The following SLC19A1 variants were observed in gnomAD, a reference collection of about 807,000 sequenced individuals.
SLC19A1 encodes solute carrier family 19 member 1, also known as reduced folate transporter.
SLC19A1 carries 37 observed loss-of-function variants against 35.3 expected under a neutral mutation model. The observed-to-expected ratio is 1.05, with a 90% CI of 0.81 to 1.38. SLC19A1 has a LOEUF of 1.38. SLC19A1 is among the 40% of genes most tolerant of loss of function. The pLI is 0.00. For synonymous variants in SLC19A1, 460 were observed against 398.5 expected, an observed-to-expected ratio of 1.15 and a Z score of -1.84; for missense variants, 831 against 826.9, an observed-to-expected ratio of 1.00 and a Z score of -0.06.
chr21:45,546,496 G>T (rs573835150), upstream of SLC19A1, among the ~76,000 whole-genome samples: 1 of 152,332 alleles, frequency 6.6e-6, no homozygotes, highest in East Asian at 1.9e-4. Flanking sequence ...GCCCCTCCCA[G>T]TTGAGCCCTG....
chr21:45,535,654 G>A (rs1191915504), intron 2 of SLC19A1, among the ~76,000 whole-genome samples: 3 of 152,164 alleles, frequency 2.0e-5, no homozygotes, highest in East Asian at 1.9e-4. Context: ...TGCCAGCCCG[G>A]GCCAGCTGGG....
chr21:45,507,088 G>A, intron 3 of SLC19A1: 1 of 354,788 alleles, frequency 2.8e-6, no homozygotes, highest in South Asian at 2.5e-5. Context: ...TGGGCAGGGA[G>A]GGCAACCTGC....
chr21:45,559,328 C>G (rs1033960476), intron 1 of SLC19A1, among the ~76,000 whole-genome samples: 2 of 152,082 alleles, frequency 1.3e-5, no homozygotes, highest in South Asian at 2.1e-4. Flanking sequence ...GGGAATTGCC[C>G]CCATCTGTGT....
At chr21:45,531,022 A>T in intron 3 of SLC19A1, 51 bp from the exon 4 acceptor site, 115 of 348,116 alleles carry the variant, frequency 3.3e-4, no homozygotes, top group East Asian at 6.6e-4. Context: ...GCCACGGGGC[A>T]GGGGGAGGTA....
downstream of SLC19A1, among the ~76,000 whole-genome samples, chr21:45,508,231 G>A (rs1478628120): frequency 6.9e-6 from 1 of 145,192 alleles, no homozygotes; most frequent in Non-Finnish European, 1.5e-5. Flanking sequence ...GGTGGATAGT[G>A]GGTAAGTGGG....
downstream of SLC19A1, chr21:45,512,308 G>A (rs989772737): frequency 3.7e-6 from 6 of 1,612,374 alleles, no homozygotes; most frequent in Non-Finnish European, 4.2e-6. Context: ...CGCTGCTGGG[G>A]GGCAGGCTCC....
chr21:45,562,835 A>T (rs972810466), exon 1 of SLC19A1, among the ~76,000 whole-genome samples: 1 of 152,238 alleles, frequency 6.6e-6, no homozygotes, highest in Non-Finnish European at 1.5e-5. Flanking sequence ...AGATTCCAAC[A>T]GTCCATGGAA....
At chr21:45,556,620 T>G (rs899308325) in intron 1 of SLC19A1, among the ~76,000 whole-genome samples, 5 of 152,262 alleles carry the variant, frequency 3.3e-5, no homozygotes, top group Non-Finnish European at 7.3e-5. Flanking sequence ...AACCAGTCAG[T>G]GACACACCTG....
Position 45,534,434 on chromosome 21 carries a change from C to A in SLC19A1, c.190-2286G>T. ...CCCCTGGCCGGGGCACAGGTTCTGC[C>A]CACAGCCCAGAGTCAAAATGGTAGA... On this transcript the variant is annotated intron_variant, in intron 2 of 5. Transcript: ENST00000311124. The surrounding 1 kb of genome is among the most constrained non-coding windows in gnomAD (Gnocchi z 4.2). The A allele has an allele frequency of 1.0e-6, 1 of 955,072 alleles. No homozygotes were observed. Among genetic ancestry groups the A allele is most frequent in the Admixed American group, 2.2e-5 (1 of 46,202 alleles). The allele number at this position is 955,072 out of a possible 1,614,324, so 59.2% of individuals were successfully genotyped here. A position where few individuals can be genotyped will look rare whatever the true frequency, so the allele number is the denominator to read the frequency against.
chr21:45,536,795 G>A (rs904682153), intron 2 of SLC19A1, among the ~76,000 whole-genome samples: 10 of 152,332 alleles, frequency 6.6e-5, no homozygotes, highest in African/African-American at 1.9e-4. Flanking sequence ...GGGATGGGCA[G>A]GTGAGCAGGC....
downstream of SLC19A1, chr21:45,512,441 G>A (rs1436464973): frequency 1.3e-6 from 2 of 1,583,990 alleles, no homozygotes; most frequent in Non-Finnish European, 1.7e-6. Context: ...CGGCGGCTCG[G>A]AGGAAGCCCC....
At chr21:45,511,268 C>G (rs2037592760), downstream of SLC19A1, 1 of 1,151,276 alleles carries the variant, frequency 8.7e-7, no homozygotes, top group African/African-American at 1.5e-5. Context: ...AGAGCCCCAG[C>G]CAGGGAAGGC....
chr21:45,527,241 G>T (rs530822986), intron 4 of SLC19A1, among the ~76,000 whole-genome samples: 1 of 147,394 alleles, frequency 6.8e-6, no homozygotes, highest in South Asian at 2.2e-4. Context: ...AATTGGGGGG[G>T]AGGGGGGCCT....
chr21:45,555,270 C>T (rs1352241438), intron 1 of SLC19A1, among the ~76,000 whole-genome samples: 2 of 3,190 alleles, frequency 6.3e-4, no homozygotes, highest in African/African-American at 3.9e-3. Flanking sequence ...CAGGGGGCGG[C>T]GCAGGGGGCG....
chr21:45,550,398 T>C (rs2078453764), intron 1 of SLC19A1, among the ~76,000 whole-genome samples: 1 of 152,282 alleles, frequency 6.6e-6, no homozygotes, highest in Non-Finnish European at 1.5e-5. Flanking sequence ...TGCTCCCTTC[T>C]TCCCATGGGC....
intron 1 of SLC19A1, among the ~76,000 whole-genome samples, chr21:45,541,190 G>C (rs931413784): frequency 8.5e-5 from 13 of 152,158 alleles, no homozygotes; most frequent in African/African-American, 2.9e-4. Flanking sequence ...GTACTATCTG[G>C]AATTATAAAA....
chr21:45,537,035 T>A (rs1166465852), intron 2 of SLC19A1, among the ~76,000 whole-genome samples: 1 of 152,190 alleles, frequency 6.6e-6, no homozygotes. Flanking sequence ...TTTGTCCTCA[T>A]GGCTGAGTAA....
rs555227463 is a variant in SLC19A1, at chr21:45,514,856, C to G, written c.*802G>C. 2 of 728,112 alleles carry G rather than the reference C, an allele frequency of 2.7e-6. No individual in the cohort carries two copies. The highest frequency in any genetic ancestry group is 3.7e-5 in the African/African-American group (2 of 53,860). 45.1% of individuals were successfully genotyped at this position (728,112 alleles called of 1,614,324 possible). Reference sequence around the variant, plus strand: ...CCCCAGCGCCCACCACAAAGGCAGCCCCCCCAAGGCTGCCCAGCCCAGGCA... The same window carrying G: ...CCCCAGCGCCCACCACAAAGGCAGCGCCCCCAAGGCTGCCCAGCCCAGGCA... On this transcript the variant is annotated 3_prime_UTR_variant, in exon 6 of 6. Transcript: ENST00000311124.
downstream of SLC19A1, among the ~76,000 whole-genome samples, chr21:45,509,059 C>T (rs1330274805): frequency 6.6e-6 from 1 of 152,120 alleles, no homozygotes; most frequent in Non-Finnish European, 1.5e-5. Flanking sequence ...TGAATTGGAG[C>T]CGCGGCAAAG....
Sources: allele counts gnomAD v4.1 joint callset (sites outside exome capture counted in the v4.1 genomes callset), GRCh38; gene constraint gnomAD v4.1.1; non-coding constraint Gnocchi (gnomAD v3.1); transcripts MANE v1.5; gene names NCBI Gene and HGNC (gene_info 2026-07-23, HGNC 2026-07-21).